EDIL3: variants seen among roughly 807,000 people sequenced by gnomAD.
The protein encoded by EDIL3 is EGF-like repeat and discoidin I-like domain-containing protein 3.
A neutral mutation model predicts 67.4 loss-of-function variants in EDIL3; 37 were observed. The observed-to-expected ratio is 0.55, with a 90% CI of 0.42 to 0.72. The LOEUF (loss-of-function observed/expected upper bound fraction) is 0.72. Ranked by LOEUF, EDIL3 falls within the 30% of genes least tolerant of loss-of-function variation. EDIL3 has a pLI of 0.00. For synonymous variants in EDIL3, 195 were observed against 196.3 expected, an observed-to-expected ratio of 0.99 and a Z score of 0.05; for missense variants, 527 against 586.3, an observed-to-expected ratio of 0.90 and a Z score of 1.04.
intron 5 of EDIL3, among the ~76,000 whole-genome samples, chr5:84,131,253 A>G (rs1366542230): frequency 6.6e-6 from 1 of 152,184 alleles, no homozygotes; most frequent in African/African-American, 2.4e-5. Context: ...ACATCCATCA[A>G]AAGATAGTAT....
At chr5:84,240,704 G>C (rs1270732694) in intron 2 of EDIL3, among the ~76,000 whole-genome samples, 1 of 152,084 alleles carries the variant, frequency 6.6e-6, no homozygotes, top group Admixed American at 6.6e-5. Flanking sequence ...TGTCTTCCAC[G>C]AAACTGGTTC....
At chr5:84,296,885 GA>G (rs895208480) in intron 1 of EDIL3, among the ~76,000 whole-genome samples, 6 of 151,704 alleles carry the variant, frequency 4.0e-5, no homozygotes, top group East Asian at 1.9e-4. Flanking sequence ...AAATTTTTAA[GA>G]AAAAAAACCA....
chr5:84,317,310 A>G (rs1390125463), intron 1 of EDIL3, among the ~76,000 whole-genome samples: 2 of 152,216 alleles, frequency 1.3e-5, no homozygotes, highest in African/African-American at 4.8e-5. Flanking sequence ...CAACAAATCA[A>G]TGAATCCAGG....
chr5:84,000,159 T>C (rs1006421115), intron 9 of EDIL3, among the ~76,000 whole-genome samples: 1 of 152,114 alleles, frequency 6.6e-6, no homozygotes, highest in Non-Finnish European at 1.5e-5. Flanking sequence ...AAGTAGTTCT[T>C]CAACCAGAAA....
chr5:84,132,990 G>A (rs1217352053), intron 5 of EDIL3, among the ~76,000 whole-genome samples: 1 of 151,928 alleles, frequency 6.6e-6, no homozygotes, highest in African/African-American at 2.4e-5. Context: ...CTTGAAATCT[G>A]TCTTACTTTC....
At chr5:84,058,155 G>A (rs571386411) in intron 9 of EDIL3, among the ~76,000 whole-genome samples, 18 of 152,186 alleles carry the variant, frequency 1.2e-4, no homozygotes, top group South Asian at 4.1e-4. Context: ...ATTTATAAAG[G>A]AATGGGAAGA....
chr5:84,278,748 C>T lies in EDIL3; in HGVS notation c.68-24536G>A, dbSNP rs190465852. On this transcript the variant is annotated intron_variant, in intron 1 of 10. Coordinates refer to ENST00000296591, the MANE Select transcript of EDIL3 (RefSeq NM_005711.5). ...CATTTACCCTGCTGAATTGCCCTTG[C>T]TTAGGTAAATGTGGATGTGCTGACT... Among the ~76,000 whole-genome samples, 42 of 152,296 alleles carry T rather than the reference C, an allele frequency of 2.8e-4. 1 individual carries two copies. The highest frequency in any genetic ancestry group is 2.5e-3 in the Admixed American group (38 of 15,296).
chr5:84,030,302 C>T (rs922782113), intron 9 of EDIL3, among the ~76,000 whole-genome samples: 1 of 152,122 alleles, frequency 6.6e-6, no homozygotes, highest in African/African-American at 2.4e-5. Flanking sequence ...AACATAAGTT[C>T]TTTAAAAATT....
chr5:84,006,924 C>T (rs375254606), intron 9 of EDIL3, among the ~76,000 whole-genome samples: 6 of 146,378 alleles, frequency 4.1e-5, no homozygotes, highest in South Asian at 2.2e-4. Flanking sequence ...CATCATGGTA[C>T]TGGCAAAAAA....
intron 3 of EDIL3, among the ~76,000 whole-genome samples, chr5:84,197,277 G>A (rs1390981593): frequency 6.6e-6 from 1 of 151,984 alleles, no homozygotes; most frequent in East Asian, 1.9e-4. Context: ...GAGGACATAA[G>A]AGGAATGCCT....
intron 9 of EDIL3, among the ~76,000 whole-genome samples, chr5:83,983,194 C>T (rs537221199): frequency 3.3e-5 from 5 of 152,072 alleles, no homozygotes; most frequent in African/African-American, 4.8e-5. Flanking sequence ...CACTATAGTA[C>T]GTATCGCATT....
chr5:83,944,442 G>T (rs1438167282), intron 10 of EDIL3, among the ~76,000 whole-genome samples: 2 of 105,396 alleles, frequency 1.9e-5, no homozygotes, highest in Admixed American at 1.2e-4. Context: ...ATGGCCACTT[G>T]CTCTTCCCCA....
At chr5:84,146,158 T>C (rs1394306199) in intron 4 of EDIL3, among the ~76,000 whole-genome samples, 3 of 152,146 alleles carry the variant, frequency 2.0e-5, no homozygotes, top group Admixed American at 2.0e-4. Flanking sequence ...CTTCCACTTG[T>C]AGATTACTTA....
rs116637727 is a variant in EDIL3, at chr5:84,162,360, G to C, written c.355+18033C>G. On this transcript the variant is annotated intron_variant, in intron 4 of 10. Coordinates refer to ENST00000296591, the MANE Select transcript of EDIL3 (RefSeq NM_005711.5). ...TGGCAGTGTCTAAGGAAGGAACTGGGAAGTGAGTTAAGGCGATATTCTCTT... is the reference window on the plus strand; with the variant it reads ...TGGCAGTGTCTAAGGAAGGAACTGGCAAGTGAGTTAAGGCGATATTCTCTT... 7.3e-3 allele frequency among the ~76,000 whole-genome samples: 1,111 copies of C among 152,196 alleles called. 17 individuals carry two copies. The highest frequency in any genetic ancestry group is 0.025 in the African/African-American group (1,018 of 41,532).
At chr5:84,320,615 C>A (rs528516956) in intron 1 of EDIL3, among the ~76,000 whole-genome samples, 1 of 152,186 alleles carries the variant, frequency 6.6e-6, no homozygotes, top group South Asian at 2.1e-4. Context: ...TTTAGGCATT[C>A]CAACTCTATA....
At chr5:84,197,669 A>AG (rs1743740965) in intron 3 of EDIL3, among the ~76,000 whole-genome samples, 2 of 151,770 alleles carry the variant, frequency 1.3e-5, no homozygotes, top group African/African-American at 4.8e-5. Flanking sequence ...AAAAAAAAAA[A>AG]GCAAACAAAC....
At chr5:84,291,106 A>C (rs1368445362) in intron 1 of EDIL3, among the ~76,000 whole-genome samples, 1 of 152,192 alleles carries the variant, frequency 6.6e-6, no homozygotes, top group African/African-American at 2.4e-5. Flanking sequence ...CCCAACAGTG[A>C]GTTTAGTTGA....
At chr5:84,192,064 C>T (rs1031089887) in intron 3 of EDIL3, among the ~76,000 whole-genome samples, 1 of 151,982 alleles carries the variant, frequency 6.6e-6, no homozygotes, top group African/African-American at 2.4e-5. Flanking sequence ...AATACTTTTT[C>T]TGCTGTTGTT....
intron 2 of EDIL3, among the ~76,000 whole-genome samples, chr5:84,246,933 C>T (rs1050269462): frequency 3.3e-5 from 5 of 152,146 alleles, no homozygotes; most frequent in African/African-American, 4.8e-5. Context: ...AAAATTAGTA[C>T]GAAAACTTTC....
Sources: gnomAD v4.1 joint callset for allele counts (sites outside exome capture counted in the v4.1 genomes callset) on GRCh38, gnomAD v4.1.1 for gene constraint, MANE v1.5 for transcripts, NCBI Gene and HGNC (gene_info 2026-07-23, HGNC 2026-07-21) for gene names.